The following DGCR8 variants were observed in gnomAD, a reference collection of about 807,000 sequenced individuals.
The protein encoded by DGCR8 is microprocessor complex subunit DGCR8.
In DGCR8, 14 loss-of-function variants were observed where a neutral mutation model predicts 78.5. The ratio of observed to expected loss-of-function variants is 0.18; its 90% CI spans 0.12 to 0.28. DGCR8 has a LOEUF of 0.28. Ranked by LOEUF, DGCR8 falls within the 10% of genes least tolerant of loss-of-function variation. The pLI, the probability that DGCR8 is intolerant of heterozygous loss-of-function variation, is 1.00. For missense variants in DGCR8, 702 were observed against 1,022.5 expected (o/e 0.69, Z 4.28); for synonymous variants, 399 against 402.4 (o/e 0.99, Z 0.10).
chr22:20,090,282 C>T (rs1322241807), intron 5 of DGCR8, 24 bp downstream of exon 5: 1 of 1,567,154 alleles, frequency 6.4e-7, no homozygotes, highest in Non-Finnish European at 8.6e-7. Flanking sequence ...GGACTCTTCC[C>T]TTCTTGCCTC....
chr22:20,089,634 CA>C lies in DGCR8; in HGVS notation c.881-34del. The C allele has an allele frequency of 6.2e-7, 1 of 1,609,612 alleles. No homozygotes were observed. Among genetic ancestry groups the C allele is most frequent in the Non-Finnish European group, 8.5e-7 (1 of 1,177,234 alleles). On this transcript the variant is annotated intron_variant, in intron 3 of 13. Transcript: ENST00000351989. This position sits in a 1 kb window ranked among gnomAD's most constrained non-coding sequence, Gnocchi z 4.9. ...GTGGCAACAATTCCAAGTGTTTTTACAGTGATTATAGGATGTTCTTGTCTTC... is the reference window on the plus strand; with the variant it reads ...GTGGCAACAATTCCAAGTGTTTTTACGTGATTATAGGATGTTCTTGTCTTC...
In DGCR8 at chr22:20,106,295, C is replaced by CT. The variant is rs778929641; in HGVS notation, c.1889+19dup. ...CTTAAAAGGTAGGGTAGGGGGGTGCCTCCCCCCATGAGTCAGGTCGGGGGA... is the reference window on the plus strand; with the variant it reads ...CTTAAAAGGTAGGGTAGGGGGGTGCCTTCCCCCCATGAGTCAGGTCGGGGGA... On this transcript the variant is annotated intron_variant, in intron 10 of 13. Coordinates refer to ENST00000351989, the MANE Select transcript of DGCR8 (RefSeq NM_022720.7). The CT allele has an allele frequency of 6.3e-7, 1 of 1,598,672 alleles. No homozygotes were observed. Among genetic ancestry groups the CT allele is most frequent in the Admixed American group, 1.7e-5 (1 of 59,978 alleles).
rs757376745 is a variant in DGCR8, at chr22:20,108,906, G to C, written c.2141G>C (p.Ser714Thr). 1 of 1,592,152 alleles carries C rather than the reference G, an allele frequency of 6.3e-7. No individual in the cohort carries two copies. Among genetic ancestry groups the C allele is most frequent in the South Asian group, 1.1e-5 (1 of 90,596 alleles). The change falls in exon 13 of 14, where the codon AGT becomes ACT. Residue 714 changes from serine to threonine, a missense_variant. By Grantham distance (58) the Ser-to-Thr change is moderately conservative (BLOSUM62 1). This residue lies in a region of DGCR8 where 225 missense variants were observed against 427.7 expected (regional missense o/e 0.53). Coordinates refer to ENST00000351989, the MANE Select transcript of DGCR8 (RefSeq NM_022720.7). The part of the protein sequence containing the change: ...KMVKQETSDK[S>T]VIELQQYAKK... ...ACTTCCCAGGAGACATCGGACAAGA[G>C]TGTGATTGAGCTGCAGCAGTATGCC... is the stretch of plus-strand genomic sequence containing the variant.
Position 20,086,113 on chromosome 22 carries a change from C to T in DGCR8, c.150C>T (p.Asp50=). ...LQTSSGAEVM[D]VGSGGDGQSE... ...CGTCCAGTGGTGCAGAGGTAATGGA[C>T]GTTGGCTCTGGTGGTGATGGACAGT... The change falls in exon 2 of 14, where the codon GAC becomes GAT. Residue 50 remains aspartate, a synonymous_variant. Coordinates refer to ENST00000351989, the MANE Select transcript of DGCR8 (RefSeq NM_022720.7). The surrounding 1 kb of genome is among the most constrained non-coding windows in gnomAD (Gnocchi z 6.4). The T allele has an allele frequency of 1.2e-6, 2 of 1,614,172 alleles. No homozygotes were observed. The highest frequency in any genetic ancestry group is 1.1e-5 in the South Asian group (1 of 91,078).
At chr22:20,094,621 G>C in intron 8 of DGCR8, 92 bp from the exon 9 acceptor site, 2 of 1,153,984 alleles carry the variant, frequency 1.7e-6, no homozygotes, top group Admixed American at 1.7e-5. Context: ...CTGAGCTGTG[G>C]GGATGGGAGG....
intron 1 of DGCR8, among the ~76,000 whole-genome samples, chr22:20,081,063 G>T (rs2049412707): frequency 6.6e-6 from 1 of 152,216 alleles, no homozygotes; most frequent in Non-Finnish European, 1.5e-5. Context: ...AGCTGTGGGA[G>T]TGGCCCAAAC....
Position 20,089,850 on chromosome 22 carries a change from T to G in DGCR8, c.1023+39T>G. 2.5e-6 allele frequency: 4 copies of G among 1,609,334 alleles called. No individual in the cohort carries two copies. Among genetic ancestry groups the G allele is most frequent in the Non-Finnish European group, 2.5e-6 (3 of 1,177,114 alleles). ...CAGTCGTGACTTTAGGCTTGTAAGT[T>G]CTCAGACCAAAACGTGCACATCCAC... is the stretch of plus-strand genomic sequence containing the variant. On this transcript the variant is annotated intron_variant, in intron 4 of 13. Transcript: ENST00000351989. This position sits in a 1 kb window ranked among gnomAD's most constrained non-coding sequence, Gnocchi z 4.9.
rs1009088703 is a variant in DGCR8 at position 20,087,553 on chromosome 22, A to C, written c.880+232A>C. Among the ~76,000 whole-genome samples, 1 of 152,146 alleles carries C rather than the reference A, an allele frequency of 6.6e-6. No individual in the cohort carries two copies. On this transcript the variant is annotated intron_variant, in intron 3 of 13. Coordinates refer to ENST00000351989, the MANE Select transcript of DGCR8 (RefSeq NM_022720.7). The surrounding 1 kb of genome is among the most constrained non-coding windows in gnomAD (Gnocchi z 4.1). The stretch of plus-strand genomic sequence containing the variant: ...CTATGGAAACCACAGAGCAGCAGGC[A>C]CTGTGCAGAGGAATGGGAGGGGACT...
intron 9 of DGCR8, among the ~76,000 whole-genome samples, chr22:20,102,433 G>A (rs768692580): frequency 4.6e-5 from 7 of 152,158 alleles, no homozygotes; most frequent in Non-Finnish European, 7.4e-5. Flanking sequence ...CCCTCAGTGC[G>A]TCTCTCCATT....
chr22:20,100,931 C>G (rs551713559), intron 9 of DGCR8: 3 of 675,938 alleles, frequency 4.4e-6, no homozygotes, highest in Non-Finnish European at 5.5e-6. Flanking sequence ...CCCTGCCACC[C>G]GGCACAGGAC....
In DGCR8 at chr22:20,110,994, G is replaced by A. The variant is rs1364654485; in HGVS notation, c.*886G>A. On this transcript the variant is annotated 3_prime_UTR_variant, in exon 14 of 14. Coordinates refer to ENST00000351989, the MANE Select transcript of DGCR8 (RefSeq NM_022720.7). ...TAGCATTTTGAAAGACTTTCACAGT[G>A]AGAGTAGAAGGTAGATTTGGAATCA... The A allele has an allele frequency of 2.8e-5, 11 of 396,750 alleles. No individual in the cohort carries two copies. The highest frequency in any genetic ancestry group is 1.9e-4 in the African/African-American group (9 of 48,612). 24.6% of individuals were successfully genotyped at this position (396,750 alleles called of 1,614,324 possible).
chr22:20,088,165 T>A (rs1015467622), intron 3 of DGCR8, among the ~76,000 whole-genome samples: 2 of 152,160 alleles, frequency 1.3e-5, no homozygotes, highest in Non-Finnish European at 2.9e-5. Context: ...AAGTTAGCTA[T>A]GCCAGGTGCC....
chr22:20,091,796 C>T (rs2049566361), intron 6 of DGCR8, 73 bp from the exon 7 acceptor site: 6 of 1,506,544 alleles, frequency 4.0e-6, no homozygotes, highest in Non-Finnish European at 5.5e-6. Flanking sequence ...TAGTTACTGA[C>T]ATGGTAACAG....
chr22:20,108,856 T>A, intron 12 of DGCR8, 34 bp from the exon 13 acceptor site: 1 of 1,150,114 alleles, frequency 8.7e-7, no homozygotes, highest in Non-Finnish European at 1.3e-6. Flanking sequence ...AGCTACAGCC[T>A]GCAGTCCTGA....
intron 10 of DGCR8, 38 bp downstream of exon 10, chr22:20,106,315 G>A (rs374110437): frequency 2.4e-4 from 359 of 1,525,818 alleles, no homozygotes; most frequent in Non-Finnish European, 2.9e-4. Flanking sequence ...GAGTCAGGTC[G>A]GGGGAGCTCC....
rs973138564 is a variant in DGCR8 at position 20,080,246 on chromosome 22, C to G, written c.-415C>G. On this transcript the variant is annotated 5_prime_UTR_variant, in exon 1 of 14. Transcript: ENST00000351989. ...GCACGCCGCGAAGGCCCGCCCTCCG[C>G]TCGCCCGGCGCGGCAGGCGGGTGCC... 1 of 971,928 alleles carries G rather than the reference C, an allele frequency of 1.0e-6. No homozygotes were observed. Among genetic ancestry groups the G allele is most frequent in the African/African-American group, 1.8e-5 (1 of 56,626 alleles). The allele number at this position is 971,928 out of a possible 1,614,324, so 60.2% of individuals were successfully genotyped here.
intron 9 of DGCR8, chr22:20,096,326 C>G (rs1489582940): frequency 3.4e-6 from 1 of 296,304 alleles, no homozygotes; most frequent in African/African-American, 2.3e-5. Context: ...GAAGAGTTGG[C>G]CTTGGTATCT....
At chr22:20,088,194 C>T (rs1292812012) in intron 3 of DGCR8, among the ~76,000 whole-genome samples, 2 of 152,112 alleles carry the variant, frequency 1.3e-5, no homozygotes, top group East Asian at 1.9e-4. Flanking sequence ...CTGCCTATGT[C>T]GTGTTGGTAG....
At chr22:20,107,643 A>G (rs1315283844) in intron 12 of DGCR8, 4 of 530,718 alleles carry the variant, frequency 7.5e-6, no homozygotes, top group Middle Eastern at 5.1e-4. Flanking sequence ...GGGCCCAGCT[A>G]TGTGGCTTGT....
Sources: gnomAD v4.1 joint callset for allele counts (sites outside exome capture counted in the v4.1 genomes callset) on GRCh38, gnomAD v4.1.1 for gene constraint, gnomAD v4.1.1 regional missense constraint, Gnocchi (gnomAD v3.1) non-coding constraint, MANE v1.5 for transcripts, NCBI Gene and HGNC (gene_info 2026-07-23, HGNC 2026-07-21) for gene names.